The following ABCD3 variants were observed in gnomAD, a reference collection of about 807,000 sequenced individuals.
ABCD3 encodes the protein ATP binding cassette subfamily D member 3.
A neutral mutation model predicts 105.5 loss-of-function variants in ABCD3; 41 were observed. The observed-to-expected ratio is 0.39, with a 90% CI of 0.30 to 0.50. The LOEUF (loss-of-function observed/expected upper bound fraction) is 0.50, where lower values mean the gene tolerates loss of function less well. Ranked by LOEUF, ABCD3 falls within the 20% of genes least tolerant of loss-of-function variation. The probability of loss-of-function intolerance (pLI) is 0.84; values close to 1 mark genes in which losing one functional copy is unlikely to be tolerated. For synonymous variants in ABCD3, 258 were observed against 269.0 expected, an observed-to-expected ratio of 0.96 and a Z score of 0.40; for missense variants, 622 against 806.3, an observed-to-expected ratio of 0.77 and a Z score of 2.77.
At chr1:94,448,079 C>G (rs1660426340) in intron 1 of ABCD3, among the ~76,000 whole-genome samples, 1 of 152,154 alleles carries the variant, frequency 6.6e-6, no homozygotes, top group African/African-American at 2.4e-5. Flanking sequence ...GCCAGTTTTT[C>G]CAACTCAGCA....
intron 16 of ABCD3, 39 bp from the exon 17 acceptor site, chr1:94,498,563 T>C (rs759312586): frequency 1.3e-6 from 2 of 1,596,930 alleles, no homozygotes; most frequent in East Asian, 2.2e-5. Context: ...GTTAATTTGA[T>C]TTAATTACTT....
intron 13 of ABCD3, among the ~76,000 whole-genome samples, chr1:94,489,112 A>G (rs1179274912): frequency 3.3e-5 from 5 of 152,042 alleles, no homozygotes; most frequent in Non-Finnish European, 5.9e-5. Flanking sequence ...GATGCAGAAT[A>G]CTTTCTCTTT....
intron 1 of ABCD3, among the ~76,000 whole-genome samples, chr1:94,423,812 T>C (rs1659363949): frequency 1.3e-5 from 2 of 152,154 alleles, no homozygotes; most frequent in African/African-American, 4.8e-5. Context: ...TCTTACTCCC[T>C]GCACTACGTT....
rs116431749 is a variant in ABCD3 at position 94,474,407 on chromosome 1, G to T, written c.405+572G>T. ...TCTAAAATATAAGTGATTTTCTTAG[G>T]TTGGTTCTCATTTTAATTTTCTTGG... On this transcript the variant is annotated intron_variant, in intron 5 of 22. Coordinates refer to ENST00000370214, the MANE Select transcript of ABCD3 (RefSeq NM_002858.4). Among the ~76,000 whole-genome samples, 1,097 of 152,084 alleles carry T rather than the reference G, an allele frequency of 7.2e-3. 16 individuals are homozygous for T. The highest frequency in any genetic ancestry group is 0.025 in the African/African-American group (1,036 of 41,498).
chr1:94,408,410 C>T, the ABCD3 span, among the ~76,000 whole-genome samples: 1 of 149,286 alleles, frequency 6.7e-6, no homozygotes, highest in African/African-American at 2.4e-5. Context: ...TGGTGAAACC[C>T]CATCTCTACT....
At chr1:94,475,035 T>G (rs1262192505) in intron 5 of ABCD3, 108 bp from the exon 6 acceptor site, 1 of 747,958 alleles carries the variant, frequency 1.3e-6, no homozygotes. Context: ...TTGGACTAAA[T>G]TATAAAAATT....
At chr1:94,406,678 C>T in the ABCD3 span, 3 of 160,596 alleles carry the variant, frequency 1.9e-5, no homozygotes, top group Admixed American at 6.5e-5. Context: ...CAACAACATC[C>T]TGAGAACATC....
intron 1 of ABCD3, among the ~76,000 whole-genome samples, chr1:94,431,395 A>T (rs1659676612): frequency 6.6e-6 from 1 of 152,184 alleles, no homozygotes; most frequent in Non-Finnish European, 1.5e-5. Context: ...TATGTACCAG[A>T]TGCTGGGTTT....
the ABCD3 span, among the ~76,000 whole-genome samples, chr1:94,412,498 A>C: frequency 6.6e-6 from 1 of 152,190 alleles, no homozygotes; most frequent in East Asian, 1.9e-4. Context: ...TGAGTGTATA[A>C]TATTCCATTA....
At chr1:94,404,383 G>A in the ABCD3 span, among the ~76,000 whole-genome samples, 14 of 152,290 alleles carry the variant, frequency 9.2e-5, no homozygotes, top group South Asian at 1.4e-3. Flanking sequence ...ATGTTCATAA[G>A]CTACATGGAT....
At chr1:94,394,517 C>T in the ABCD3 span, among the ~76,000 whole-genome samples, 1 of 152,200 alleles carries the variant, frequency 6.6e-6, no homozygotes. Context: ...TATTCCAAGG[C>T]CAGTTTGGCT....
chr1:94,514,015 T>C (rs1650810044), intron 21 of ABCD3: 1 of 152,042 alleles, frequency 6.6e-6, no homozygotes, highest in African/African-American at 2.4e-5. Context: ...ACCGAGGAAC[T>C]TGAATCTCAT....
At chr1:94,506,503 T>C (rs758246978) in intron 20 of ABCD3, 35 bp from the exon 21 acceptor site, 1 of 1,336,002 alleles carries the variant, frequency 7.5e-7, no homozygotes, top group Non-Finnish European at 1.1e-6. Context: ...TAGGTCTGCC[T>C]GTGTTTTACA....
chr1:94,403,381 T>C, the ABCD3 span, among the ~76,000 whole-genome samples: 1 of 152,168 alleles, frequency 6.6e-6, no homozygotes, highest in Admixed American at 6.5e-5. Flanking sequence ...TTCTCCATTG[T>C]AACTAATAAG....
At position 94,418,397 on chromosome 1, in the gene ABCD3, C is replaced by G. The variant is rs897217394; in HGVS notation, c.-82C>G. 5 of 1,250,174 alleles carry G rather than the reference C, an allele frequency of 4.0e-6. No individual in the cohort carries two copies. Among genetic ancestry groups the G allele is most frequent in the Admixed American group, 4.0e-5 (2 of 50,438 alleles). 77.4% of individuals were successfully genotyped at this position (1,250,174 alleles called of 1,614,324 possible). Reference sequence around the variant, plus strand: ...CCGCCCTCTGCTCTCCTCCCAGTCTCCCCCGCGCTGCGTGCAGTAAGGTAG... The same window carrying G: ...CCGCCCTCTGCTCTCCTCCCAGTCTGCCCCGCGCTGCGTGCAGTAAGGTAG... On this transcript the variant is annotated 5_prime_UTR_variant, in exon 1 of 23. Coordinates refer to ENST00000370214, the MANE Select transcript of ABCD3 (RefSeq NM_002858.4).
At chr1:94,434,875 T>C (rs534242904) in intron 1 of ABCD3, among the ~76,000 whole-genome samples, 6 of 152,298 alleles carry the variant, frequency 3.9e-5, no homozygotes, top group African/African-American at 1.4e-4. Flanking sequence ...CACCTAAAAG[T>C]AATTGCTATC....
intron 9 of ABCD3, chr1:94,482,115 T>C (rs375576229): frequency 2.0e-5 from 3 of 152,186 alleles, no homozygotes; most frequent in South Asian, 2.1e-4. Flanking sequence ...GGAGAGGAGA[T>C]AGAAGGAAGT....
At chr1:94,441,868 G>A (rs1660145450) in intron 1 of ABCD3, among the ~76,000 whole-genome samples, 1 of 152,052 alleles carries the variant, frequency 6.6e-6, no homozygotes, top group African/African-American at 2.4e-5. Context: ...GTAAGAACGG[G>A]GTCAAAAGGA....
chr1:94,450,339 T>A (rs1175289018), intron 1 of ABCD3, among the ~76,000 whole-genome samples: 1 of 152,196 alleles, frequency 6.6e-6, no homozygotes, highest in South Asian at 2.1e-4. Flanking sequence ...GGCCATAAAC[T>A]GGCCCCAAAA....
Sources: allele counts gnomAD v4.1 joint callset (sites outside exome capture counted in the v4.1 genomes callset), GRCh38; gene constraint gnomAD v4.1.1; transcripts MANE v1.5; gene names NCBI Gene and HGNC (gene_info 2026-07-23, HGNC 2026-07-21).